Variants in QTGAL observed in about 807,000 individuals in gnomAD.
QTGAL encodes queuosine-tRNA galactosyltransferase.
chr17:83,050,263 G>A, the QTGAL span, among the ~76,000 whole-genome samples: 9 of 152,080 alleles, frequency 5.9e-5, no homozygotes, highest in Admixed American at 4.6e-4. Flanking sequence ...CCAGCTACTC[G>A]GGAGGCTGAG....
the QTGAL span, among the ~76,000 whole-genome samples, chr17:82,997,783 T>G: frequency 6.6e-6 from 1 of 152,056 alleles, no homozygotes; most frequent in South Asian, 2.1e-4. Flanking sequence ...AAAGACAAAC[T>G]TCACATGTTC....
chr17:83,017,036 G>A, the QTGAL span, among the ~76,000 whole-genome samples: 1 of 152,206 alleles, frequency 6.6e-6, no homozygotes, highest in African/African-American at 2.4e-5. Flanking sequence ...GTTCTTCTAT[G>A]GAGTTGGCCC....
At chr17:83,047,766 T>C in the QTGAL span, among the ~76,000 whole-genome samples, 32 of 145,160 alleles carry the variant, frequency 2.2e-4, no homozygotes, top group Admixed American at 2.0e-4. Flanking sequence ...TACCAAAGAA[T>C]AAGAAATTTA....
At chr17:82,988,261 A>T in the QTGAL span, among the ~76,000 whole-genome samples, 1 of 152,200 alleles carries the variant, frequency 6.6e-6, no homozygotes, top group Admixed American at 6.5e-5. Context: ...TGGGGAAAGG[A>T]TTCCCTGTTT....
chr17:82,966,507 G>C, the QTGAL span, among the ~76,000 whole-genome samples: 1 of 152,184 alleles, frequency 6.6e-6, no homozygotes, highest in Admixed American at 6.5e-5. Context: ...TCAGCTTATG[G>C]GCAGACAGAC....
chr17:82,993,703 G>C, the QTGAL span, among the ~76,000 whole-genome samples: 1 of 151,688 alleles, frequency 6.6e-6, no homozygotes, highest in Non-Finnish European at 1.5e-5. Context: ...GCAGCACATG[G>C]ATCATCCTCA....
chr17:82,965,526 G>T, the QTGAL span: 2 of 949,476 alleles, frequency 2.1e-6, no homozygotes, highest in South Asian at 1.5e-5. Context: ...TCAGGCAGGG[G>T]TTTCCTAAAT....
chr17:83,017,679 G>C, the QTGAL span, among the ~76,000 whole-genome samples: 4 of 152,346 alleles, frequency 2.6e-5, no homozygotes, highest in South Asian at 8.3e-4. Context: ...AATGATAAAT[G>C]TTTGATGTGA....
At chr17:82,958,090 G>A in the QTGAL span, among the ~76,000 whole-genome samples, 13 of 147,798 alleles carry the variant, frequency 8.8e-5, no homozygotes, top group South Asian at 2.3e-4. Flanking sequence ...TCCTCCCACC[G>A]CAGCCCCTCC....
the QTGAL span, among the ~76,000 whole-genome samples, chr17:82,970,514 T>TCCTCCGCACCCAGTGTGGCCATGA: frequency 1.8e-5 from 1 of 56,660 alleles, no homozygotes; most frequent in African/African-American, 6.4e-5. Flanking sequence ...CAAACACAGG[T>TCCTCCGCACCCAGTGTGGCCATGA]CCTCCCCACC....
chr17:82,943,265 G>C, the QTGAL span: 1 of 152,304 alleles, frequency 6.6e-6, no homozygotes, highest in Non-Finnish European at 1.5e-5. Flanking sequence ...CTTTGTCTCT[G>C]TGTCTGAGCT....
At chr17:82,960,405 C>CT in the QTGAL span, 1 of 152,316 alleles carries the variant, frequency 6.6e-6, no homozygotes, top group African/African-American at 2.4e-5. Context: ...TGCTTTCCAA[C>CT]TTAACGCTGC....
At chr17:83,037,514 C>T in the QTGAL span, among the ~76,000 whole-genome samples, 100 of 152,330 alleles carry the variant, frequency 6.6e-4, no homozygotes, top group Middle Eastern at 3.4e-3. The surrounding 1 kb of genome is among the most constrained non-coding windows in gnomAD (Gnocchi z 5.2). Flanking sequence ...GGAAATGCAC[C>T]CGGGGAGGCG....
At chr17:82,961,167 G>A in the QTGAL span, 4 of 1,607,632 alleles carry the variant, frequency 2.5e-6, no homozygotes, top group Non-Finnish European at 2.5e-6. Flanking sequence ...AGAACAGCAG[G>A]TCCTCCGGGA....
At chr17:83,038,427 A>G in the QTGAL span, among the ~76,000 whole-genome samples, 7 of 152,236 alleles carry the variant, frequency 4.6e-5, no homozygotes, top group Admixed American at 1.3e-4. Flanking sequence ...TATAAAAAGT[A>G]CTTTATGAAA....
the QTGAL span, among the ~76,000 whole-genome samples, chr17:83,009,091 G>A: frequency 5.3e-5 from 8 of 152,158 alleles, no homozygotes; most frequent in Non-Finnish European, 1.0e-4. Context: ...TCACACCCTC[G>A]AGGTGAGTCC....
At chr17:82,987,659 T>C in the QTGAL span, among the ~76,000 whole-genome samples, 1 of 152,216 alleles carries the variant, frequency 6.6e-6, no homozygotes, top group African/African-American at 2.4e-5. Flanking sequence ...TACCATGCTG[T>C]TTTGGTTACT....
chr17:83,024,840 T>C, the QTGAL span, among the ~76,000 whole-genome samples: 1 of 152,250 alleles, frequency 6.6e-6, no homozygotes, highest in Non-Finnish European at 1.5e-5. Context: ...GCCTGGGCCG[T>C]GCTGCTCAGG....
At chr17:82,957,096 C>G in the QTGAL span, 1 of 1,571,528 alleles carries the variant, frequency 6.4e-7, no homozygotes, top group Non-Finnish European at 8.8e-7. Context: ...GTGGACTCTG[C>G]CAAGGGGGAA....
Sources: gnomAD v4.1 joint callset for allele counts (sites outside exome capture counted in the v4.1 genomes callset) on GRCh38, gnomAD v4.1.1 for gene constraint, Gnocchi (gnomAD v3.1) non-coding constraint, MANE v1.5 for transcripts, NCBI Gene and HGNC (gene_info 2026-07-23, HGNC 2026-07-21) for gene names.